ASB7: variants seen among roughly 807,000 people sequenced by gnomAD.
ASB7 encodes the protein ankyrin repeat and SOCS box protein 7.
In ASB7, 4 loss-of-function variants were observed where a neutral mutation model predicts 32.5. The observed-to-expected ratio is 0.12, with a 90% CI of 0.06 to 0.28. ASB7 has a LOEUF of 0.28. Among genes scored for constraint, ASB7 ranks in the 10% least tolerant of loss-of-function variants. ASB7 has a pLI of 1.00. For missense variants in ASB7, 181 were observed against 407.1 expected (o/e 0.44, Z 4.78); for synonymous variants, 172 against 155.6 (o/e 1.11, Z -0.78).
chr15:100,613,469 A>G (rs1338352042), intron 4 of ASB7, among the ~76,000 whole-genome samples: 1 of 152,256 alleles, frequency 6.6e-6, no homozygotes, highest in African/African-American at 2.4e-5. Context: ...ATGTGCCTGA[A>G]ATAGTTGACC....
intron 5 of ASB7, chr15:100,645,346 C>A: frequency 4.1e-6 from 1 of 246,630 alleles, no homozygotes; most frequent in Non-Finnish European, 8.0e-6. Flanking sequence ...TCTGCATCTG[C>A]ATCAATGTAA....
At chr15:100,618,216 A>T (rs1159366948) in intron 4 of ASB7, among the ~76,000 whole-genome samples, 1 of 152,098 alleles carries the variant, frequency 6.6e-6, no homozygotes, top group African/African-American at 2.4e-5. Flanking sequence ...TCCCAGGTTC[A>T]AGCGATTCTC....
intron 5 of ASB7, among the ~76,000 whole-genome samples, chr15:100,631,457 C>T (rs753083312): frequency 3.3e-5 from 5 of 152,192 alleles, no homozygotes; most frequent in African/African-American, 4.8e-5. Flanking sequence ...ACACAGAAGT[C>T]GCCACAGTTG....
chr15:100,611,447 A>G (rs1158867502), intron 3 of ASB7, among the ~76,000 whole-genome samples: 1 of 141,112 alleles, frequency 7.1e-6, no homozygotes, highest in African/African-American at 2.6e-5. Flanking sequence ...CCTTTTAGTA[A>G]TTTGATCATG....
intron 2 of ASB7, among the ~76,000 whole-genome samples, chr15:100,608,666 A>G (rs2039669038): frequency 1.3e-5 from 2 of 152,180 alleles, no homozygotes; most frequent in South Asian, 4.1e-4. Context: ...CTTGCTTTGT[A>G]GGAGTTGTTC....
At chr15:100,646,296 C>G (rs1005453033) in intron 5 of ASB7, 8 of 390,842 alleles carry the variant, frequency 2.0e-5, no homozygotes, top group Admixed American at 1.5e-4. Context: ...TTCGAGAAGT[C>G]TCATCATAAG....
chr15:100,603,122 T>G, intron 1 of ASB7, 76 bp downstream of exon 1: 1 of 397,556 alleles, frequency 2.5e-6, no homozygotes, highest in Non-Finnish European at 4.4e-6. Context: ...CTGCTTTTTC[T>G]TGCCTGCCCT....
At chr15:100,626,371 T>A (rs2039837176) in intron 4 of ASB7, among the ~76,000 whole-genome samples, 1 of 152,176 alleles carries the variant, frequency 6.6e-6, no homozygotes, top group African/African-American at 2.4e-5. Context: ...TATAACTAGT[T>A]ATTAGGGAAA....
At chr15:100,643,034 T>TA (rs1020753356) in intron 5 of ASB7, among the ~76,000 whole-genome samples, 9 of 152,114 alleles carry the variant, frequency 5.9e-5, no homozygotes, top group Non-Finnish European at 8.8e-5. Flanking sequence ...AGACTCTGGC[T>TA]AAAAAACAAA....
At chr15:100,646,208 T>C in intron 5 of ASB7, 1 of 402,302 alleles carries the variant, frequency 2.5e-6, no homozygotes, top group Non-Finnish European at 5.0e-6. Flanking sequence ...AACTGTCTTT[T>C]GTCACCCAGG....
At chr15:100,603,583 C>T (rs1201624364) in intron 2 of ASB7, among the ~76,000 whole-genome samples, 3 of 152,134 alleles carry the variant, frequency 2.0e-5, no homozygotes, top group Non-Finnish European at 4.4e-5. Flanking sequence ...GTGCCATTTA[C>T]TCTGCTCTGA....
At chr15:100,642,151 A>G (rs2039966017) in intron 5 of ASB7, among the ~76,000 whole-genome samples, 1 of 152,262 alleles carries the variant, frequency 6.6e-6, no homozygotes, top group African/African-American at 2.4e-5. Context: ...CATATTGACT[A>G]GAGCATTTCA....
Position 100,638,768 on chromosome 15 carries a change from C to T in ASB7, c.817+8726C>T, listed in dbSNP as rs141639069. 4.5e-4 allele frequency among the ~76,000 whole-genome samples: 68 copies of T among 152,186 alleles called. 2 individuals are homozygous for T. The East Asian group carries it at 7.1e-3, about 16-fold the overall frequency. On this transcript the variant is annotated intron_variant, in intron 5 of 5. Coordinates refer to ENST00000332783, the MANE Select transcript of ASB7 (RefSeq NM_198243.3). ...ATACATGTGCCATGGTGGTTTGCTGCGCCCATCAACCCGTCACCTAGGTTT... is the reference window on the plus strand; with the variant it reads ...ATACATGTGCCATGGTGGTTTGCTGTGCCCATCAACCCGTCACCTAGGTTT...
intron 5 of ASB7, 165 bp downstream of exon 5, chr15:100,630,207 G>C: frequency 7.5e-7 from 1 of 1,331,456 alleles, no homozygotes; most frequent in South Asian, 1.9e-5. Flanking sequence ...AACTTTGACT[G>C]TATCACAAGA....
Position 100,612,331 on chromosome 15 carries a change from T to G in ASB7, c.115T>G (p.Ser39Ala). Reference sequence around the variant, plus strand: ...GCGAAAGATGCTAGAACAAGGCTATTCCCCGAATGGCCGAGATGCGAATGG... The same window carrying G: ...GCGAAAGATGCTAGAACAAGGCTATGCCCCGAATGGCCGAGATGCGAATGG... ...TVRKMLEQGY[S>A]PNGRDANGWT... Residue 39 changes from serine to alanine, a missense_variant, in exon 4 of 6, where the codon TCC becomes GCC. Physicochemically the swap from Ser to Ala is moderately conservative, Grantham distance 99. Transcript: ENST00000332783. The G allele has an allele frequency of 6.2e-7, 1 of 1,614,062 alleles. No homozygotes were observed. The highest frequency in any genetic ancestry group is 8.5e-7 in the Non-Finnish European group (1 of 1,179,936).
chr15:100,646,242 G>T, intron 5 of ASB7: 1 of 399,410 alleles, frequency 2.5e-6, no homozygotes, highest in East Asian at 5.9e-5. Flanking sequence ...CAATATCCAT[G>T]TGTCCCACAA....
At chr15:100,637,946 A>G (rs1053618893) in intron 5 of ASB7, among the ~76,000 whole-genome samples, 8 of 148,782 alleles carry the variant, frequency 5.4e-5, no homozygotes, top group Non-Finnish European at 8.8e-5. Context: ...TTTGTTTTGG[A>G]AAGCAGCTCT....
chr15:100,641,614 C>G (rs975819088), intron 5 of ASB7, among the ~76,000 whole-genome samples: 2 of 152,200 alleles, frequency 1.3e-5, no homozygotes, highest in Non-Finnish European at 2.9e-5. Context: ...AATGTGATTT[C>G]TACCAGTTTG....
At chr15:100,641,638 C>G (rs911805784) in intron 5 of ASB7, among the ~76,000 whole-genome samples, 2 of 152,216 alleles carry the variant, frequency 1.3e-5, no homozygotes, top group African/African-American at 2.4e-5. Flanking sequence ...AGGACTGTTT[C>G]CCACTAATGG....
Sources: allele counts gnomAD v4.1 joint callset (sites outside exome capture counted in the v4.1 genomes callset), GRCh38; gene constraint gnomAD v4.1.1; transcripts MANE v1.5; gene names NCBI Gene and HGNC (gene_info 2026-07-23, HGNC 2026-07-21).